Variants in CA10 observed in about 807,000 individuals in gnomAD.
CA10 encodes carbonic anhydrase 10 (inactive), also known as carbonic anhydrase-related protein 10.
Under a neutral mutation model 44.2 loss-of-function variants are expected in CA10, and 14 were observed. The observed-to-expected ratio is 0.32, with a 90% CI of 0.21 to 0.50. The LOEUF (loss-of-function observed/expected upper bound fraction) is 0.50, where lower values mean the gene tolerates loss of function less well. CA10 is among the 20% of genes least tolerant of loss of function. The pLI, the probability that CA10 is intolerant of heterozygous loss-of-function variation, is 0.99. For missense variants in CA10, 350 were observed against 409.7 expected, an observed-to-expected ratio of 0.85 and a Z score of 1.26; for synonymous variants, 159 against 141.6, an observed-to-expected ratio of 1.12 and a Z score of -0.87.
At chr17:51,711,098 G>A (rs1186559419) in intron 4 of CA10, among the ~76,000 whole-genome samples, 1 of 151,938 alleles carries the variant, frequency 6.6e-6, no homozygotes, top group Non-Finnish European at 1.5e-5. Context: ...AAAACGCGAC[G>A]TATAAAAGGA....
At chr17:52,143,846 C>T (rs1243398868) in intron 1 of CA10, among the ~76,000 whole-genome samples, 2 of 152,174 alleles carry the variant, frequency 1.3e-5, no homozygotes, top group East Asian at 3.8e-4. Flanking sequence ...CTGGGAAAAG[C>T]TCTAAAGCAG....
At chr17:52,126,408 C>A (rs1411042911) in intron 1 of CA10, among the ~76,000 whole-genome samples, 1 of 152,162 alleles carries the variant, frequency 6.6e-6, no homozygotes, top group Admixed American at 6.5e-5. Flanking sequence ...AAATATCCAT[C>A]AGTCATTTAG....
intron 3 of CA10, among the ~76,000 whole-genome samples, chr17:51,898,521 T>C (rs1567877291): frequency 6.6e-6 from 1 of 152,100 alleles, no homozygotes; most frequent in Non-Finnish European, 1.5e-5. Context: ...TCCTTTTTTG[T>C]TGTGCCTCTT....
chr17:51,845,585 G>C (rs991694782), intron 3 of CA10, among the ~76,000 whole-genome samples: 11 of 152,182 alleles, frequency 7.2e-5, no homozygotes, highest in Non-Finnish European at 1.3e-4. Flanking sequence ...AACTAGTACA[G>C]TCCCCTTTGT....
chr17:51,812,035 C>G (rs118166971), intron 3 of CA10, among the ~76,000 whole-genome samples: 45 of 152,276 alleles, frequency 3.0e-4, no homozygotes, highest in Non-Finnish European at 5.9e-4. Context: ...CTCATAGAAA[C>G]AGCAATACAC....
intron 1 of CA10, among the ~76,000 whole-genome samples, chr17:52,131,461 A>G (rs747126159): frequency 3.4e-4 from 51 of 152,216 alleles, no homozygotes; most frequent in Non-Finnish European, 6.8e-4. Flanking sequence ...TAGTGAAACA[A>G]TTACTGAATT....
chr17:52,148,498 T>G (rs550444277), intron 1 of CA10, among the ~76,000 whole-genome samples: 1 of 152,316 alleles, frequency 6.6e-6, no homozygotes, highest in Non-Finnish European at 1.5e-5. Flanking sequence ...TAGAAAACTA[T>G]CAAACATATT....
chr17:51,888,160 C>G (rs1488423027), intron 3 of CA10, among the ~76,000 whole-genome samples: 1 of 150,682 alleles, frequency 6.6e-6, no homozygotes, highest in Non-Finnish European at 1.5e-5. Flanking sequence ...AAGAGATAAT[C>G]AGAAGGTGGT....
chr17:52,132,385 T>C (rs1157748977), intron 1 of CA10, among the ~76,000 whole-genome samples: 1 of 151,964 alleles, frequency 6.6e-6, no homozygotes, highest in Non-Finnish European at 1.5e-5. Context: ...GAAAATGGAC[T>C]TTGAAAGAGG....
chr17:51,821,471 T>C (rs1907795479), intron 3 of CA10, among the ~76,000 whole-genome samples: 1 of 151,942 alleles, frequency 6.6e-6, no homozygotes, highest in Non-Finnish European at 1.5e-5. Flanking sequence ...TGATCATTTG[T>C]CGTCTCCCCG....
chr17:52,074,604 A>C (rs900267894), intron 1 of CA10, among the ~76,000 whole-genome samples: 22 of 19,424 alleles, frequency 1.1e-3, no homozygotes, highest in African/African-American at 3.3e-3. Context: ...ATATACACTT[A>C]GCACTCAAAT....
chr17:51,693,856 T>A (rs1915306114), intron 4 of CA10, among the ~76,000 whole-genome samples: 1 of 152,198 alleles, frequency 6.6e-6, no homozygotes, highest in African/African-American at 2.4e-5. Context: ...TTTGGATATA[T>A]ACCCCATAAT....
chr17:51,801,712 G>A (rs761513118), intron 3 of CA10, among the ~76,000 whole-genome samples: 3 of 152,194 alleles, frequency 2.0e-5, no homozygotes, highest in Non-Finnish European at 4.4e-5. Flanking sequence ...TCCAGGTGTA[G>A]AGCAGAACTT....
rs140576789 is a variant in CA10 at position 51,810,130 on chromosome 17, A to T, written c.280-62312T>A. Among the ~76,000 whole-genome samples the T allele has an allele frequency of 3.9e-5, 6 of 152,278 alleles. No homozygotes were observed. In the East Asian group the frequency reaches 1.2e-3, roughly 29 times the overall value. On this transcript the variant is annotated intron_variant, in intron 3 of 8. Transcript: ENST00000451037. The stretch of plus-strand genomic sequence containing the variant: ...ATCCAGTCATTTCCCATAGACCCCA[A>T]TCTTAAATCTATACAGAATATTGAT...
chr17:52,112,620 C>T (rs781034293), intron 1 of CA10, among the ~76,000 whole-genome samples: 1 of 152,158 alleles, frequency 6.6e-6, no homozygotes, highest in Non-Finnish European at 1.5e-5. Context: ...ATGTAATCAT[C>T]GTGAAGAAAT....
chr17:51,861,694 GAAAATTAGCCAATTA>G (rs1177973175), intron 3 of CA10, among the ~76,000 whole-genome samples: 1 of 152,134 alleles, frequency 6.6e-6, no homozygotes, highest in Admixed American at 6.5e-5. Context: ...ATGAGTCTTT[GAAAATTAGCCAATTA>G]ATCTGGCTTT....
intron 1 of CA10, among the ~76,000 whole-genome samples, chr17:52,089,834 A>C (rs565471887): frequency 6.6e-6 from 1 of 152,230 alleles, no homozygotes; most frequent in South Asian, 2.1e-4. Context: ...TAACTTGGAG[A>C]AATTGGTTCT....
intron 4 of CA10, among the ~76,000 whole-genome samples, chr17:51,683,856 G>A (rs922190957): frequency 2.0e-5 from 3 of 152,166 alleles, no homozygotes; most frequent in Non-Finnish European, 4.4e-5. Flanking sequence ...CACCACTCTA[G>A]GAAGGATAAT....
chr17:52,015,743 T>A (rs553654930), intron 2 of CA10, among the ~76,000 whole-genome samples: 1 of 152,154 alleles, frequency 6.6e-6, no homozygotes, highest in Non-Finnish European at 1.5e-5. Flanking sequence ...ATTTGCAAAA[T>A]TTGCATATAA....
Sources: gnomAD v4.1 joint callset for allele counts (sites outside exome capture counted in the v4.1 genomes callset) on GRCh38, gnomAD v4.1.1 for gene constraint, MANE v1.5 for transcripts, NCBI Gene and HGNC (gene_info 2026-07-23, HGNC 2026-07-21) for gene names.